TMPRSS2: variants seen among roughly 807,000 people sequenced by gnomAD.
TMPRSS2 encodes transmembrane protease serine 2.
A neutral mutation model predicts 67.4 loss-of-function variants in TMPRSS2; 59 were observed. The observed-to-expected ratio is 0.88, with a 90% CI of 0.71 to 1.09. The LOEUF (loss-of-function observed/expected upper bound fraction) is 1.09. Ranked by LOEUF, TMPRSS2 falls within the 50% of genes least tolerant of loss-of-function variation. The probability of loss-of-function intolerance (pLI) is 0.00; values close to 1 mark genes in which losing one functional copy is unlikely to be tolerated. For missense variants in TMPRSS2, 668 were observed against 642.7 expected (o/e 1.04, Z -0.43); for synonymous variants, 257 against 257.0 (o/e 1.00, Z 0.00).
chr21:41,478,814 CATT>C lies in TMPRSS2; in HGVS notation c.683+355_683+357del, dbSNP rs1309619541. Among the ~76,000 whole-genome samples, 2 of 152,218 alleles carry C rather than the reference CATT, an allele frequency of 1.3e-5. No homozygotes were observed. Among genetic ancestry groups the C allele is most frequent in the Non-Finnish European group, 1.5e-5 (1 of 68,046 alleles). On this transcript the variant is annotated intron_variant, in intron 7 of 13. Transcript: ENST00000332149. This position sits in a 1 kb window ranked among gnomAD's most constrained non-coding sequence, Gnocchi z 4.0. ...GGTCACCCTGGCTGGGACACTGAGA[CATT>C]ATCTTGGATTCCTAGAACCACGCCC... is the stretch of plus-strand genomic sequence containing the variant.
intron 12 of TMPRSS2, 91 bp downstream of exon 12, chr21:41,468,305 G>A: frequency 2.0e-6 from 3 of 1,521,778 alleles, no homozygotes; most frequent in South Asian, 2.5e-5. Context: ...TCACTGAGGA[G>A]GCTCTGCTGA....
At position 41,488,485 on chromosome 21, in the gene TMPRSS2, T is replaced by C. The variant is rs751035521; in HGVS notation, c.354A>G (p.Ile118Met). The C allele has an allele frequency of 2.5e-6, 4 of 1,613,570 alleles. No homozygotes were observed. In the African/African-American group the frequency reaches 5.3e-5, roughly 22 times the overall value. The change falls in exon 5 of 14, where the codon ATA (isoleucine) becomes ATG (methionine). Residue 118 changes from isoleucine (I) to methionine (M), a missense_variant. Coordinates refer to ENST00000332149, the MANE Select transcript of TMPRSS2 (RefSeq NM_005656.4). Reference protein sequence around the residue: ...FMGSKCSNSGIECDSSGTCIN... With the variant: ...FMGSKCSNSGMECDSSGTCIN... ...TGCAGGTACCTGAGGAGTCGCACTCTATCCCAGAGTTGGAGCACTTGCTGC... is the reference window on the plus strand; with the variant it reads ...TGCAGGTACCTGAGGAGTCGCACTCCATCCCAGAGTTGGAGCACTTGCTGC...
In TMPRSS2 at chr21:41,507,900, G is replaced by A. The variant is rs918221330; in HGVS notation, c.-57+181C>T. 5.4e-6 allele frequency: 8 copies of A among 1,491,888 alleles called. No homozygotes were observed. The African/African-American group carries it at 1.0e-4, about 19-fold the overall frequency. The allele number at this position is 1,491,888 out of a possible 1,614,324, so 92.4% of individuals were successfully genotyped here. A position where few individuals can be genotyped will look rare whatever the true frequency, so the allele number is the denominator to read the frequency against. ...GCCCAGCACTCTCCCAGCACCCCGG[G>A]AGGCGCCCTGCCCGGCTGGCCCCAG... is the stretch of plus-strand genomic sequence containing the variant. On this transcript the variant is annotated intron_variant, in intron 1 of 13. Transcript: ENST00000332149.
At chr21:41,490,409 C>T (rs1347253084) in intron 3 of TMPRSS2, among the ~76,000 whole-genome samples, 1 of 152,122 alleles carries the variant, frequency 6.6e-6, no homozygotes, top group Non-Finnish European at 1.5e-5. Flanking sequence ...AATTAATGTC[C>T]CATGGAATTA....
rs1378627736 is a variant in TMPRSS2, at chr21:41,480,541, G to A, written c.507C>T (p.His169=). The change falls in exon 6 of 14, where the codon CAC becomes CAT. Residue 169 remains histidine, a synonymous_variant. Coordinates refer to ENST00000332149, the MANE Select transcript of TMPRSS2 (RefSeq NM_005656.4). ...QVYSSQRKSW[H]PVCQDDWNEN... ...CGTTCCAGTCGTCTTGGCACACAGG[G>A]TGCCAGGACTTCCTCTGAGATGAGT... 10 of 1,613,852 alleles carry A rather than the reference G, an allele frequency of 6.2e-6. No homozygotes were observed. The highest frequency in any genetic ancestry group is 1.1e-5 in the South Asian group (1 of 91,082).
intron 3 of TMPRSS2, 39 bp downstream of exon 3, chr21:41,494,317 C>T (rs767165269): frequency 6.2e-6 from 10 of 1,606,614 alleles, no homozygotes; most frequent in African/African-American, 1.3e-5. Context: ...CCCGGGACCC[C>T]GGGTTTATTA....
rs201661208 is a variant in TMPRSS2, at chr21:41,479,208, G to A, written c.647C>T (p.Ala216Val). The A allele has an allele frequency of 6.2e-7, 1 of 1,613,988 alleles. No homozygotes were observed. The highest frequency in any genetic ancestry group is 2.2e-5 in the East Asian group (1 of 44,888). ...TTTTTTATAGATATCGACATTGCCG[G>A]CACTTGTGTTCAGTTTCATAAAGCT... ...STSFMKLNTSAGNVDIYKKLY... is the reference protein window; with the variant it reads ...STSFMKLNTSVGNVDIYKKLY... Residue 216 changes from alanine to valine, a missense_variant, in exon 7 of 14, where the codon GCC becomes GTC. Physicochemically the swap from Ala to Val is moderately conservative, Grantham distance 64. Transcript: ENST00000332149.
chr21:41,467,986 G>A (rs2146420139), intron 12 of TMPRSS2, 100 bp from the exon 13 acceptor site: 2 of 1,349,384 alleles, frequency 1.5e-6, no homozygotes, highest in Non-Finnish European at 2.1e-6. Context: ...GGGTCGCAGT[G>A]TGAGTTACGA....
At chr21:41,501,153 AC>A in intron 1 of TMPRSS2, among the ~76,000 whole-genome samples, 1 of 152,352 alleles carries the variant, frequency 6.6e-6, no homozygotes, top group African/African-American at 2.4e-5. Flanking sequence ...ACCGGGAGCC[AC>A]CACCATTAAT....
chr21:41,471,681 C>A (rs567380110), intron 10 of TMPRSS2, 125 bp downstream of exon 10: 9 of 1,146,880 alleles, frequency 7.8e-6, no homozygotes, highest in South Asian at 1.6e-5. Context: ...ATTGGCCACC[C>A]GCTGCACGCT....
chr21:41,474,289 G>A (rs111065041), intron 8 of TMPRSS2, among the ~76,000 whole-genome samples: 567 of 1,228 alleles, frequency 0.46, 226 homozygotes, highest in Middle Eastern at 0.67. Context: ...GGGGGTGAGG[G>A]CATGAGTGAG....
At chr21:41,467,691 G>C in intron 13 of TMPRSS2, 43 bp downstream of exon 13, 1 of 1,604,764 alleles carries the variant, frequency 6.2e-7, no homozygotes, top group Non-Finnish European at 8.5e-7. Flanking sequence ...GCTTTGGCTC[G>C]AGGAATCGGA....
intron 5 of TMPRSS2, among the ~76,000 whole-genome samples, chr21:41,484,121 A>C (rs2410429): frequency 0.72 from 108,978 of 151,988 alleles, 39,856 homozygotes; most frequent in African/African-American, 0.75. Flanking sequence ...CTTGTCTCAA[A>C]AAAACCCAAT....
At chr21:41,470,311 C>T (rs575968857) in intron 11 of TMPRSS2, among the ~76,000 whole-genome samples, 16 of 152,258 alleles carry the variant, frequency 1.1e-4, no homozygotes, top group Admixed American at 3.9e-4. Flanking sequence ...CACTCAGCCA[C>T]GCAGGCCTTG....
Position 41,473,458 on chromosome 21 carries a change from T to C in TMPRSS2, c.766A>G (p.Ile256Val), listed in dbSNP as rs745679574. ...VNLNSSRQSR[I>V]VGGESALPGA... ...GGGAGCGCGCTCTCGCCGCCCACAA[T>C]CCTGCTCTGGCGGCTTGAGTTCAAG... Residue 256 changes from isoleucine to valine, a missense_variant, in exon 9 of 14, where the codon ATT becomes GTT. Ile to Val is a conservative substitution (Grantham distance 29, BLOSUM62 3). Coordinates refer to ENST00000332149, the MANE Select transcript of TMPRSS2 (RefSeq NM_005656.4). 1 of 1,609,968 alleles carries C rather than the reference T, an allele frequency of 6.2e-7. No individual in the cohort carries two copies. The highest frequency in any genetic ancestry group is 8.5e-7 in the Non-Finnish European group (1 of 1,178,822).
chr21:41,507,842 A>T, intron 1 of TMPRSS2: 2 of 1,248,668 alleles, frequency 1.6e-6, no homozygotes, highest in Non-Finnish European at 2.1e-6. Flanking sequence ...AGGGGCGGCG[A>T]GGGCTCTCGG....
rs1465076124 is a variant in TMPRSS2, at chr21:41,473,368, T to A, written c.856A>T (p.Ile286Phe). 1 of 1,609,418 alleles carries A rather than the reference T, an allele frequency of 6.2e-7. No individual in the cohort carries two copies. The highest frequency in any genetic ancestry group is 8.5e-7 in the Non-Finnish European group (1 of 1,179,124). ...QNVHVCGGSI[I>F]TPEWIVTAAH... ...GCTGTCACGATCCACTCGGGGGTGA[T>A]GATGGAGCCTCCGCACACGTGGACG... The change falls in exon 9 of 14, where the codon ATC becomes TTC. Residue 286 changes from isoleucine to phenylalanine, a missense_variant. Ile to Phe is a conservative substitution (Grantham distance 21). Coordinates refer to ENST00000332149, the MANE Select transcript of TMPRSS2 (RefSeq NM_005656.4).
At chr21:41,504,467 C>A (rs904704808) in intron 1 of TMPRSS2, among the ~76,000 whole-genome samples, 2 of 152,202 alleles carry the variant, frequency 1.3e-5, no homozygotes, top group African/African-American at 4.8e-5. Flanking sequence ...AGAAAACCAG[C>A]CTCGACTCCC....
chr21:41,473,198 G>T, intron 9 of TMPRSS2, 127 bp downstream of exon 9: 3 of 1,105,094 alleles, frequency 2.7e-6, no homozygotes, highest in Non-Finnish European at 3.8e-6. Context: ...CTAGGAAGCA[G>T]GTGCAATACT....
Sources: allele counts gnomAD v4.1 joint callset (sites outside exome capture counted in the v4.1 genomes callset), GRCh38; gene constraint gnomAD v4.1.1; non-coding constraint Gnocchi (gnomAD v3.1); transcripts MANE v1.5; gene names NCBI Gene and HGNC (gene_info 2026-07-23, HGNC 2026-07-21).